NKAIN3: variants seen among roughly 807,000 people sequenced by gnomAD.
The protein encoded by NKAIN3 is sodium/potassium transporting ATPase interacting 3, also known as sodium/potassium-transporting ATPase subunit beta-1-interacting protein 3.
A neutral mutation model predicts 30.2 loss-of-function variants in NKAIN3; 25 were observed. The observed-to-expected ratio is 0.83, with a 90% confidence interval of 0.60 to 1.16. The LOEUF is 1.16. Ranked by LOEUF, NKAIN3 falls within the 50% of genes most tolerant of loss-of-function variation. NKAIN3 has a pLI of 0.00. For synonymous variants in NKAIN3, 91 were observed against 89.6 expected, an observed-to-expected ratio of 1.02 and a Z score of -0.09; for missense variants, 225 against 254.1, an observed-to-expected ratio of 0.89 and a Z score of 0.78.
chr8:62,486,705 G>C (rs1189048439), intron 1 of NKAIN3, among the ~76,000 whole-genome samples: 1 of 152,164 alleles, frequency 6.6e-6, no homozygotes, highest in Non-Finnish European at 1.5e-5. Flanking sequence ...AAGTGAGGAA[G>C]ACATTATTAA....
intron 5 of NKAIN3, 27 bp downstream of exon 5, chr8:62,918,540 G>C: frequency 6.5e-7 from 1 of 1,537,390 alleles, no homozygotes. Flanking sequence ...CTCTCCCTGT[G>C]GGTTCCTTTT....
At chr8:62,485,018 A>C (rs1806852133) in intron 1 of NKAIN3, among the ~76,000 whole-genome samples, 1 of 152,114 alleles carries the variant, frequency 6.6e-6, no homozygotes, top group African/African-American at 2.4e-5. Context: ...ATTAATTACT[A>C]TTTCTGTTGA....
chr8:62,332,128 G>C (rs1048815578), intron 1 of NKAIN3, among the ~76,000 whole-genome samples: 9 of 152,098 alleles, frequency 5.9e-5, no homozygotes, highest in Non-Finnish European at 1.2e-4. Flanking sequence ...AAAAGACTTT[G>C]AAAAGGGAAC....
chr8:62,567,014 T>G (rs1809773452), intron 1 of NKAIN3, among the ~76,000 whole-genome samples: 1 of 152,168 alleles, frequency 6.6e-6, no homozygotes, highest in African/African-American at 2.4e-5. Context: ...TGTTACGCTT[T>G]GTGGATATAG....
intron 1 of NKAIN3, among the ~76,000 whole-genome samples, chr8:62,497,806 G>A (rs1366933602): frequency 6.6e-6 from 1 of 151,962 alleles, no homozygotes; most frequent in African/African-American, 2.4e-5. Context: ...TAAGCCACAG[G>A]GAATTAAGTT....
At chr8:62,963,912 T>G (rs1408024482) in intron 6 of NKAIN3, among the ~76,000 whole-genome samples, 5 of 152,156 alleles carry the variant, frequency 3.3e-5, no homozygotes, top group Non-Finnish European at 7.4e-5. Flanking sequence ...GTAAAACTTT[T>G]GGGAAATTTT....
At chr8:62,986,930 C>T (rs533945183), downstream of NKAIN3, among the ~76,000 whole-genome samples, 124 of 152,292 alleles carry the variant, frequency 8.1e-4, 1 homozygote, top group African/African-American at 2.7e-3. Flanking sequence ...TTACACACAA[C>T]GTGTTTTTTT....
At chr8:62,348,664 A>T (rs1004864671) in intron 1 of NKAIN3, among the ~76,000 whole-genome samples, 3 of 152,158 alleles carry the variant, frequency 2.0e-5, no homozygotes, top group African/African-American at 7.2e-5. Context: ...AATTTGGCTT[A>T]CTCTGGGCTG....
intron 1 of NKAIN3, among the ~76,000 whole-genome samples, chr8:62,477,579 G>A (rs1348943051): frequency 2.0e-5 from 3 of 152,128 alleles, no homozygotes; most frequent in Non-Finnish European, 4.4e-5. Context: ...GCTTCCTTGG[G>A]TGATAGAAAT....
At chr8:62,283,628 A>G (rs1260441087) in intron 1 of NKAIN3, among the ~76,000 whole-genome samples, 1 of 152,120 alleles carries the variant, frequency 6.6e-6, no homozygotes, top group African/African-American at 2.4e-5. Context: ...ATTTTAAATT[A>G]TCTTATATAT....
At chr8:62,370,002 T>C (rs1816858746) in intron 1 of NKAIN3, among the ~76,000 whole-genome samples, 1 of 152,056 alleles carries the variant, frequency 6.6e-6, no homozygotes, top group Non-Finnish European at 1.5e-5. Context: ...AGATTTCTTT[T>C]TGAGATGTTA....
intron 4 of NKAIN3, among the ~76,000 whole-genome samples, chr8:62,817,732 T>C (rs1202658661): frequency 6.6e-6 from 1 of 152,196 alleles, no homozygotes; most frequent in Non-Finnish European, 1.5e-5. Context: ...AAAGTGCCTC[T>C]ACCTCAGTTC....
chr8:62,501,722 C>G (rs1373188985), intron 1 of NKAIN3, among the ~76,000 whole-genome samples: 1 of 152,154 alleles, frequency 6.6e-6, no homozygotes, highest in Non-Finnish European at 1.5e-5. Context: ...TTAGTGATTA[C>G]TCAACTTAAA....
rs185562240 is a variant in NKAIN3 at position 62,531,170 on chromosome 8, G to C, written c.55-48369G>C. On this transcript the variant is annotated intron_variant, in intron 1 of 6. Coordinates refer to ENST00000623646, the MANE Select transcript of NKAIN3 (RefSeq NM_001304533.3). The stretch of plus-strand genomic sequence containing the variant: ...AAAAACCATGTGTGCTGTCTCTGTG[G>C]GACACATCAGCAAATACTCCTGGCC... 2.6e-5 allele frequency among the ~76,000 whole-genome samples: 4 copies of C among 152,204 alleles called. No individual in the cohort carries two copies. In the East Asian group the frequency reaches 5.8e-4, roughly 22 times the overall value.
intron 1 of NKAIN3, among the ~76,000 whole-genome samples, chr8:62,446,799 T>C (rs1805499510): frequency 6.6e-6 from 1 of 152,088 alleles, no homozygotes; most frequent in African/African-American, 2.4e-5. Context: ...TCCTTCATTT[T>C]CAGGGTTAAG....
At chr8:62,596,987 C>T (rs916492572) in intron 3 of NKAIN3, among the ~76,000 whole-genome samples, 11 of 152,106 alleles carry the variant, frequency 7.2e-5, no homozygotes, top group South Asian at 4.1e-4. Flanking sequence ...GTGAGTATGC[C>T]GTTCACATCA....
chr8:62,851,772 A>G (rs535383938), intron 4 of NKAIN3, among the ~76,000 whole-genome samples: 2 of 152,276 alleles, frequency 1.3e-5, no homozygotes, highest in Admixed American at 6.5e-5. Context: ...TGTTTTGCAT[A>G]TGTTGAACCA....
rs7838713 is a variant in NKAIN3, at chr8:62,579,699, T to C, written c.192+23T>C. On this transcript the variant is annotated intron_variant, in intron 2 of 6. Transcript: ENST00000623646. ...GTGGTAAGTCTTATTTTTATCATTT[T>C]GCTTCATATAAACAATTCAAAATTT... 10,373 of 1,369,880 alleles carry C rather than the reference T, an allele frequency of 7.6e-3. 440 individuals are homozygous for C. The African/African-American group carries it at 0.12, about 15-fold the overall frequency. The allele number at this position is 1,369,880 out of a possible 1,614,324, so 84.9% of individuals were successfully genotyped here. A position where few individuals can be genotyped will look rare whatever the true frequency, so the allele number is the denominator to read the frequency against.
In NKAIN3 at chr8:62,497,050, T is replaced by A. The variant is rs536632549; in HGVS notation, c.55-82489T>A. ...CACTGAAGTTCAAGTTCTTTTTTTT[T>A]AAAAAAGACATTTTCCTAATGATAC... On this transcript the variant is annotated intron_variant, in intron 1 of 6. Coordinates refer to ENST00000623646, the MANE Select transcript of NKAIN3 (RefSeq NM_001304533.3). Among the ~76,000 whole-genome samples the A allele has an allele frequency of 2.2e-3, 335 of 152,098 alleles. 1 individual carries two copies. The highest frequency in any genetic ancestry group is 6.3e-3 in the African/African-American group (261 of 41,502).
Sources: gnomAD v4.1 joint callset for allele counts (sites outside exome capture counted in the v4.1 genomes callset) on GRCh38, gnomAD v4.1.1 for gene constraint, MANE v1.5 for transcripts, NCBI Gene and HGNC (gene_info 2026-07-23, HGNC 2026-07-21) for gene names.